AQP7: variants seen among roughly 807,000 people sequenced by gnomAD.
AQP7 encodes the protein aquaporin-7.
Under a neutral mutation model 26.1 loss-of-function variants are expected in AQP7, and 22 were observed. The observed-to-expected ratio is 0.84, with a 90% CI of 0.60 to 1.20. The LOEUF is 1.20. AQP7 is among the 50% of genes most tolerant of loss of function. The probability of loss-of-function intolerance (pLI) is 0.00; values close to 1 mark genes in which losing one functional copy is unlikely to be tolerated. For missense variants in AQP7, 412 were observed against 457.5 expected (o/e 0.90, Z 0.91); for synonymous variants, 167 against 181.7 (o/e 0.92, Z 0.65).
intron 3 of AQP7, among the ~76,000 whole-genome samples, chr9:33,392,022 T>C: frequency 6.6e-6 from 1 of 152,148 alleles, no homozygotes; most frequent in South Asian, 2.1e-4. Context: ...CGGTCAAGAC[T>C]GTGATACTGG....
intron 2 of AQP7, chr9:33,395,424 C>T (rs1825776966): frequency 3.7e-6 from 2 of 536,966 alleles, no homozygotes; most frequent in Admixed American, 3.2e-5. Context: ...CTAGTTGGGA[C>T]TGGACCAGTA....
chr9:33,399,103 GT>G (rs57788358), intron 2 of AQP7, among the ~76,000 whole-genome samples: 37,016 of 151,072 alleles, frequency 0.25, 5,181 homozygotes, highest in South Asian at 0.33. Context: ...GCCTCCCAAG[GT>G]GCAGGGATTT....
In AQP7 at chr9:33,385,040, G is replaced by A. The variant is rs1438298065; in HGVS notation, c.994C>T (p.Pro332Ser). ...TCTAGGGCCATGGATTCATGTAAGG[G>A]TGGGGCAGGGTGGACTGAAGATCTG... ...ANRSSVHPAP[P>S]LHESMALEHF is the part of the protein sequence containing the mutation. The change falls in exon 8 of 8, where the codon CCC (proline) becomes TCC (serine). Residue 332 changes from proline to serine, a missense_variant. Coordinates refer to ENST00000297988, the MANE Select transcript of AQP7 (RefSeq NM_001170.3). 6.2e-7 allele frequency: 1 copy of A among 1,611,714 alleles called. No homozygotes were observed. Among genetic ancestry groups the A allele is most frequent in the Non-Finnish European group, 8.5e-7 (1 of 1,179,794 alleles).
chr9:33,394,487 T>TC (rs1554718527), intron 3 of AQP7, among the ~76,000 whole-genome samples: 2 of 4,134 alleles, frequency 4.8e-4, no homozygotes, highest in African/African-American at 5.1e-4. Flanking sequence ...TCTCTCTCTC[T>TC]TTTTTTTTTT....
At chr9:33,389,345 A>G (rs557040025) in intron 3 of AQP7, among the ~76,000 whole-genome samples, 39 of 151,934 alleles carry the variant, frequency 2.6e-4, no homozygotes, top group African/African-American at 9.2e-4. Flanking sequence ...AATTTTTTCA[A>G]TTTATTTTGT....
At chr9:33,392,971 C>T (rs1180307327) in intron 3 of AQP7, among the ~76,000 whole-genome samples, 1 of 152,120 alleles carries the variant, frequency 6.6e-6, no homozygotes, top group Non-Finnish European at 1.5e-5. Flanking sequence ...CTCACGCCAG[C>T]AATCCCAGCA....
chr9:33,388,546 C>G (rs1270151229), intron 3 of AQP7, among the ~76,000 whole-genome samples: 1 of 152,192 alleles, frequency 6.6e-6, no homozygotes, highest in East Asian at 1.9e-4. Context: ...CCCCAATACT[C>G]TTTGTATTCA....
Position 33,385,101 on chromosome 9 carries a change from G to A in AQP7, c.933C>T (p.Ile311=). The change falls in exon 8 of 8, where the codon ATC becomes ATT. Residue 311 remains isoleucine, a synonymous_variant. Transcript: ENST00000297988. ...TCACAGAGACGGGGGTGAGGGGAGAGATCGTGGGTTCATGAGATCCCATCT... is the reference window on the plus strand; with the variant it reads ...TCACAGAGACGGGGGTGAGGGGAGAAATCGTGGGTTCATGAGATCCCATCT... ...LPKMGSHEPT[I]SPLTPVSVSP... is the part of the protein sequence containing the mutation. 6.2e-7 allele frequency: 1 copy of A among 1,611,972 alleles called. No individual in the cohort carries two copies. Among genetic ancestry groups the A allele is most frequent in the African/African-American group, 1.3e-5 (1 of 74,960 alleles).
rs192208450 is a variant in AQP7, at chr9:33,387,995, T to C, written c.145-903A>G. On this transcript the variant is annotated intron_variant, in intron 3 of 7. Coordinates refer to ENST00000297988, the MANE Select transcript of AQP7 (RefSeq NM_001170.3). ...CCCTTCCCTCGCACCCCCTCCTCAA[T>C]CTGGCTTCCACTTCCACATGTCACA... Among the ~76,000 whole-genome samples, 283 of 152,202 alleles carry C rather than the reference T, an allele frequency of 1.9e-3. 1 individual carries two copies. Among genetic ancestry groups the C allele is most frequent in the Middle Eastern group, 6.8e-3 (2 of 294 alleles).
At chr9:33,399,933 ATG>A (rs1826136733) in intron 2 of AQP7, among the ~76,000 whole-genome samples, 2 of 152,128 alleles carry the variant, frequency 1.3e-5, no homozygotes, top group African/African-American at 4.8e-5. Flanking sequence ...AGAGGGAAGT[ATG>A]AAGGACATGA....
intron 2 of AQP7, among the ~76,000 whole-genome samples, chr9:33,396,236 G>A (rs142034985): frequency 0.078 from 11,912 of 152,042 alleles, 601 homozygotes; most frequent in Admixed American, 0.11. Context: ...TCGGGAGTTC[G>A]AGACCAGCCT....
Position 33,386,555 on chromosome 9 carries a change from G to A in AQP7, c.269-14C>T. On this transcript the variant is annotated splice_polypyrimidine_tract_variant and intron_variant, in intron 4 of 7. Transcript: ENST00000297988. Reference sequence around the variant, plus strand: ...TCATGTGGGCTCCTGCGGGCAGCAGGCAAGTGTGTCAGGGAGTGAGAGCAG... The same window carrying A: ...TCATGTGGGCTCCTGCGGGCAGCAGACAAGTGTGTCAGGGAGTGAGAGCAG... The A allele has an allele frequency of 6.2e-7, 1 of 1,609,922 alleles. No homozygotes were observed. Among genetic ancestry groups the A allele is most frequent in the Non-Finnish European group, 8.5e-7 (1 of 1,178,046 alleles).
At position 33,386,491 on chromosome 9, in the gene AQP7, C is replaced by G; in HGVS notation, c.319G>C (p.Val107Leu). The change falls in exon 5 of 8, where the codon GTG becomes CTG. Residue 107 changes from valine (V) to leucine (L), a missense_variant. Val to Leu is a conservative substitution (Grantham distance 32). Coordinates refer to ENST00000297988, the MANE Select transcript of AQP7 (RefSeq NM_001170.3). The part of the protein sequence containing the change: ...VTFANCALGR[V>L]PWRKFPVYVL... ...TAGACCGGAAACTTCCTCCAGGGCA[C>G]GCGGCCCAGCGCACAGTTAGCAAAG... The G allele has an allele frequency of 6.2e-7, 1 of 1,612,404 alleles. No individual in the cohort carries two copies. Among genetic ancestry groups the G allele is most frequent in the African/African-American group, 1.3e-5 (1 of 75,052 alleles).
Position 33,385,158 on chromosome 9 carries a change from C to T in AQP7, c.876G>A (p.Ala292=), listed in dbSNP as rs144994089. Residue 292 remains alanine (A), a synonymous_variant, in exon 8 of 8, where the codon GCG becomes GCA. Transcript: ENST00000297988. The part of the protein sequence containing the change: ...REPLKLEDSV[A]YEDHGITVLP... ...ATACGGTTATCCCGTGGTCTTCATACGCCACAGAATCCTCCAATTTCAGGG... is the reference window on the plus strand; with the variant it reads ...ATACGGTTATCCCGTGGTCTTCATATGCCACAGAATCCTCCAATTTCAGGG... The T allele has an allele frequency of 1.1e-3, 1,712 of 1,611,930 alleles. 4 individuals carry two copies. The highest frequency in any genetic ancestry group is 1.3e-3 in the Non-Finnish European group (1,530 of 1,179,830).
chr9:33,393,314 C>T (rs1322069993), intron 3 of AQP7, among the ~76,000 whole-genome samples: 1 of 152,234 alleles, frequency 6.6e-6, no homozygotes, highest in Non-Finnish European at 1.5e-5. Flanking sequence ...GATTCAAACA[C>T]AGCTCCAAAG....
At chr9:33,394,180 C>G (rs1233133792) in intron 3 of AQP7, 1 of 152,296 alleles carries the variant, frequency 6.6e-6, no homozygotes, top group Non-Finnish European at 1.5e-5. Context: ...GCGCTTTGCC[C>G]ACATCTTCTG....
intron 2 of AQP7, among the ~76,000 whole-genome samples, chr9:33,395,879 C>A (rs1016959808): frequency 3.3e-5 from 5 of 152,172 alleles, no homozygotes; most frequent in Non-Finnish European, 5.9e-5. Context: ...CCTGGTGTAT[C>A]TTCAGTGCCC....
At chr9:33,401,338 C>T in intron 1 of AQP7, 51 bp from the exon 2 acceptor site, 2 of 1,457,696 alleles carry the variant, frequency 1.4e-6, no homozygotes, top group Non-Finnish European at 1.9e-6. Context: ...GAACTTGGCC[C>T]CACACTTCCA....
intron 3 of AQP7, among the ~76,000 whole-genome samples, chr9:33,389,321 G>T (rs1184865825): frequency 6.6e-6 from 1 of 152,062 alleles, no homozygotes; most frequent in Non-Finnish European, 1.5e-5. Flanking sequence ...GAGCCACTGC[G>T]CCCTGTCCCA....
Sources: gnomAD v4.1 joint callset for allele counts (sites outside exome capture counted in the v4.1 genomes callset) on GRCh38, gnomAD v4.1.1 for gene constraint, MANE v1.5 for transcripts, NCBI Gene and HGNC (gene_info 2026-07-23, HGNC 2026-07-21) for gene names.